RPH3AL: variants seen among roughly 807,000 people sequenced by gnomAD.
RPH3AL encodes the protein rab effector Noc2.
A neutral mutation model predicts 43.1 loss-of-function variants in RPH3AL; 38 were observed. The observed-to-expected ratio is 0.88, with a 90% CI of 0.68 to 1.15. The LOEUF (loss-of-function observed/expected upper bound fraction) is 1.15, where lower values mean the gene tolerates loss of function less well. RPH3AL is among the 50% of genes most tolerant of loss of function. The pLI is 0.00. For missense variants in RPH3AL, 462 were observed against 423.2 expected, an observed-to-expected ratio of 1.09 and a Z score of -0.81; for synonymous variants, 189 against 176.3, an observed-to-expected ratio of 1.07 and a Z score of -0.57.
rs5818749 is a variant in RPH3AL, at chr17:268,553, G to GTTTTTTTTTTTTTTTTT, written c.438+13198_438+13214dup. ...ATTAAGATTTTAAGTATGTTTTTGGGTTTTTTTTTTTTTTTTTTTTTTTTT... is the reference window on the plus strand; with the variant it reads ...ATTAAGATTTTAAGTATGTTTTTGGGTTTTTTTTTTTTTTTTTTTTTTTTTTTTTTTTTTTTTTTTTT... On this transcript the variant is annotated intron_variant, in intron 6 of 9. Coordinates refer to ENST00000331302, the MANE Select transcript of RPH3AL (RefSeq NM_006987.4). Among the ~76,000 whole-genome samples, 2 of 74,518 alleles carry GTTTTTTTTTTTTTTTTT rather than the reference G, an allele frequency of 2.7e-5. 1 individual carries two copies. The allele number at this position is 74,518 out of a possible 152,430, so 48.9% of individuals were successfully genotyped here. A position where few individuals can be genotyped will look rare whatever the true frequency, so the allele number is the denominator to read the frequency against.
intron 6 of RPH3AL, among the ~76,000 whole-genome samples, chr17:270,394 G>A (rs532898543): frequency 2.0e-5 from 3 of 152,342 alleles, no homozygotes; most frequent in East Asian, 3.9e-4. Flanking sequence ...GGCTAGCACG[G>A]CCAGTTCCCA....
rs535539200 is a variant in RPH3AL, at chr17:302,236, T to C, written c.351+17184A>G. ...CCGCAGGCAGGCCCGAGAGAGTCTCTCGTCCAGCCTTTGCCTGTCACTGGA... is the reference window on the plus strand; with the variant it reads ...CCGCAGGCAGGCCCGAGAGAGTCTCCCGTCCAGCCTTTGCCTGTCACTGGA... On this transcript the variant is annotated intron_variant, in intron 5 of 9. Coordinates refer to ENST00000331302, the MANE Select transcript of RPH3AL (RefSeq NM_006987.4). 3.9e-5 allele frequency among the ~76,000 whole-genome samples: 6 copies of C among 152,316 alleles called. No individual in the cohort carries two copies. The East Asian group carries it at 1.2e-3, about 29-fold the overall frequency.
intron 6 of RPH3AL, among the ~76,000 whole-genome samples, chr17:261,330 A>T (rs1201115538): frequency 6.6e-6 from 1 of 152,166 alleles, no homozygotes; most frequent in East Asian, 1.9e-4. Context: ...GAAGAGAGAG[A>T]CACCAGGAGA....
chr17:282,013 A>C (rs1483555648), intron 5 of RPH3AL, among the ~76,000 whole-genome samples, 159 bp from the exon 6 acceptor site: 1 of 152,196 alleles, frequency 6.6e-6, no homozygotes, highest in African/African-American at 2.4e-5. Flanking sequence ...CAGCTCATCT[A>C]AAAATCCTTA....
intron 5 of RPH3AL, among the ~76,000 whole-genome samples, chr17:302,683 G>C (rs1307096209): frequency 6.6e-6 from 1 of 152,354 alleles, no homozygotes; most frequent in African/African-American, 2.4e-5. Context: ...CTGCCCAGCA[G>C]GTGTGTGAGC....
chr17:227,903 G>A (rs1466201666), intron 7 of RPH3AL, among the ~76,000 whole-genome samples: 1 of 152,212 alleles, frequency 6.6e-6, no homozygotes, highest in Non-Finnish European at 1.5e-5. Context: ...TAATGTAAAG[G>A]AATGATGATA....
At chr17:249,855 C>A (rs553445747) in intron 6 of RPH3AL, among the ~76,000 whole-genome samples, 1 of 148,990 alleles carries the variant, frequency 6.7e-6, no homozygotes, top group African/African-American at 2.5e-5. Flanking sequence ...TACCAAGCTC[C>A]GTCGCTGCAG....
Position 319,524 on chromosome 17 carries a change from T to A in RPH3AL, c.247A>T (p.Met83Leu), listed in dbSNP as rs2044400084. The change falls in exon 5 of 10, where the codon ATG (methionine) becomes TTG (leucine). Residue 83 changes from methionine (M) to leucine (L), a missense_variant. By Grantham distance (15) the Met-to-Leu change is conservative. Coordinates refer to ENST00000331302, the MANE Select transcript of RPH3AL (RefSeq NM_006987.4). The part of the protein sequence containing the change: ...IGRLVERLET[M>L]RRNVMGNGLS... The stretch of plus-strand genomic sequence containing the variant: ...CCGTTCCCCATCACATTCCGCCTCA[T>A]GGTCTCCAGCCGCTCCACCAGCCGC... The A allele has an allele frequency of 6.2e-7, 1 of 1,611,912 alleles. No individual in the cohort carries two copies. Among genetic ancestry groups the A allele is most frequent in the African/African-American group, 1.3e-5 (1 of 75,026 alleles).
chr17:344,250 T>C (rs2045193954), intron 1 of RPH3AL, among the ~76,000 whole-genome samples: 1 of 127,520 alleles, frequency 7.8e-6, no homozygotes, highest in Non-Finnish European at 1.8e-5. Context: ...CATCATCATA[T>C]TCACCTCCAT....
chr17:333,165 T>C lies in RPH3AL; in HGVS notation c.-37+594A>G, dbSNP rs4627431. 2 of 1,195,104 alleles carry C rather than the reference T, an allele frequency of 1.7e-6. No homozygotes were observed. The highest frequency in any genetic ancestry group is 2.1e-6 in the Non-Finnish European group (2 of 940,184). The allele number at this position is 1,195,104 out of a possible 1,614,324, so 74.0% of individuals were successfully genotyped here. A position where few individuals can be genotyped will look rare whatever the true frequency, so the allele number is the denominator to read the frequency against. On this transcript the variant is annotated intron_variant, in intron 2 of 9. Transcript: ENST00000331302. This position sits in a 1 kb window ranked among gnomAD's most constrained non-coding sequence, Gnocchi z 4.5. ...CCATTAGAGCTCACCACCCCGGGCG[T>C]TCGTCACTGCAGACATCACTGCAGA...
intron 6 of RPH3AL, among the ~76,000 whole-genome samples, chr17:273,014 A>ACGTCAGGGAGAGAC: frequency 8.4e-6 from 1 of 118,388 alleles, no homozygotes; most frequent in Non-Finnish European, 2.0e-5. Flanking sequence ...AGCGAGGGCG[A>ACGTCAGGGAGAGAC]CATCAGGAAG....
intron 5 of RPH3AL, among the ~76,000 whole-genome samples, chr17:291,947 A>C (rs1235585159): frequency 6.6e-6 from 1 of 152,238 alleles, no homozygotes; most frequent in Non-Finnish European, 1.5e-5. Context: ...GTCAAAATCT[A>C]TTTTAAATGG....
chr17:337,216 C>T (rs753998692), intron 1 of RPH3AL, among the ~76,000 whole-genome samples: 14 of 152,086 alleles, frequency 9.2e-5, no homozygotes, highest in Non-Finnish European at 1.9e-4. Flanking sequence ...CCTCGGCTCC[C>T]GTGATCCTCG....
intron 7 of RPH3AL, among the ~76,000 whole-genome samples, chr17:236,803 G>A (rs2041406380): frequency 6.6e-6 from 1 of 152,260 alleles, no homozygotes; most frequent in African/African-American, 2.4e-5. Context: ...AAAAGAAAAA[G>A]CCAGTGAGCG....
chr17:276,564 G>T (rs911613042), intron 6 of RPH3AL, among the ~76,000 whole-genome samples: 1 of 152,122 alleles, frequency 6.6e-6, no homozygotes, highest in Non-Finnish European at 1.5e-5. Context: ...GCTAATTTTT[G>T]TATTTTTTTG....
chr17:300,588 G>A (rs1555564535), intron 5 of RPH3AL, among the ~76,000 whole-genome samples: 8 of 66,294 alleles, frequency 1.2e-4, no homozygotes, highest in African/African-American at 4.6e-4. Context: ...TCTCTCACCC[G>A]CTCTAGCAGG....
At chr17:222,266 C>T (rs941187104) in intron 7 of RPH3AL, among the ~76,000 whole-genome samples, 10 of 152,226 alleles carry the variant, frequency 6.6e-5, no homozygotes, top group African/African-American at 1.4e-4. Flanking sequence ...AACGGGGGCA[C>T]GTGCCCAAGT....
chr17:298,812 A>C (rs2043246498), intron 5 of RPH3AL, among the ~76,000 whole-genome samples: 1 of 152,162 alleles, frequency 6.6e-6, no homozygotes, highest in Non-Finnish European at 1.5e-5. Flanking sequence ...TTAATATTCT[A>C]ACAGCAACAG....
chr17:235,747 A>AGGC (rs2041368255), intron 7 of RPH3AL, among the ~76,000 whole-genome samples: 1 of 111,198 alleles, frequency 9.0e-6, no homozygotes, highest in South Asian at 3.1e-4. Flanking sequence ...AACAAGACGG[A>AGGC]TCCAGGGTTC....
Sources: gnomAD v4.1 joint callset for allele counts (sites outside exome capture counted in the v4.1 genomes callset) on GRCh38, gnomAD v4.1.1 for gene constraint, Gnocchi (gnomAD v3.1) non-coding constraint, MANE v1.5 for transcripts, NCBI Gene and HGNC (gene_info 2026-07-23, HGNC 2026-07-21) for gene names.